Variants in SUN2 observed in about 807,000 individuals in gnomAD.
SUN2 encodes the protein Sad1 and UNC84 domain containing 2.
In SUN2, 60 loss-of-function variants were observed where a neutral mutation model predicts 100.0. The ratio of observed to expected loss-of-function variants is 0.60; its 90% CI spans 0.49 to 0.74. The LOEUF is 0.74. Ranked by LOEUF, SUN2 falls within the 30% of genes least tolerant of loss-of-function variation. SUN2 has a pLI of 0.00. For missense variants in SUN2, 834 were observed against 954.6 expected, an observed-to-expected ratio of 0.87 and a Z score of 1.66; for synonymous variants, 367 against 403.3, an observed-to-expected ratio of 0.91 and a Z score of 1.08.
Position 38,742,580 on chromosome 22 carries a change from G to C in SUN2, c.814-25C>G, listed in dbSNP as rs374134811. 5 of 1,592,984 alleles carry C rather than the reference G, an allele frequency of 3.1e-6. No individual in the cohort carries two copies. The African/African-American group carries it at 4.0e-5, about 13-fold the overall frequency. ...CCTGGAAGGGCAGAGAGAGAGCCACGGAGTGAGGGACCCTTGGATGATAGT... is the reference window on the plus strand; with the variant it reads ...CCTGGAAGGGCAGAGAGAGAGCCACCGAGTGAGGGACCCTTGGATGATAGT... On this transcript the variant is annotated intron_variant, in intron 8 of 17. Transcript: ENST00000689035.
chr22:38,748,680 G>A, intron 7 of SUN2, 33 bp downstream of exon 7: 2 of 1,613,320 alleles, frequency 1.2e-6, no homozygotes, highest in South Asian at 1.1e-5. Flanking sequence ...ACACATCTCT[G>A]TGCCTCCCTC....
At position 38,737,829 on chromosome 22, in the gene SUN2, T is replaced by C. The variant is rs1266778582; in HGVS notation, c.2040+344A>G. The stretch of plus-strand genomic sequence containing the variant: ...CACTGCCTGAGGCTCCAGCTGGCCA[T>C]GGTAGAATGCCCGCGCCCTGGCATG... On this transcript the variant is annotated intron_variant, in intron 17 of 17. Coordinates refer to ENST00000689035, the MANE Select transcript of SUN2 (RefSeq NM_015374.3). This position sits in a 1 kb window ranked among gnomAD's most constrained non-coding sequence, Gnocchi z 4.1. 1.2e-5 allele frequency: 6 copies of C among 496,668 alleles called. No homozygotes were observed. The highest frequency in any genetic ancestry group is 4.8e-5 in the South Asian group (3 of 62,070). The allele number at this position is 496,668 out of a possible 1,614,324, so 30.8% of individuals were successfully genotyped here.
chr22:38,749,691 A>G, intron 6 of SUN2, 75 bp downstream of exon 6: 1 of 1,358,900 alleles, frequency 7.4e-7, no homozygotes, highest in South Asian at 1.2e-5. Context: ...ATCGACCATT[A>G]CAGGTTGACA....
In SUN2 at chr22:38,741,014, ACT is replaced by A; in HGVS notation, c.1181_1182del (p.Glu394ValfsTer147). 1 of 1,594,996 alleles carries A rather than the reference ACT, an allele frequency of 6.3e-7. No individual in the cohort carries two copies. ...GCTGGTGGCGCCCAGTACCTTTGCC[ACT>A]CTGACTTCAGCTGCTGGATGCGAGC... ...SEARIQQLKSEWQSMTQESFQ... is the reference protein window; with the variant it reads ...SEARIQQLKSXWQSMTQESFQ... On this transcript the variant is annotated frameshift_variant, in exon 11 of 18. Coordinates refer to ENST00000689035, the MANE Select transcript of SUN2 (RefSeq NM_015374.3). LOFTEE classifies it high-confidence loss of function.
chr22:38,750,145 A>G (rs2092933235), intron 5 of SUN2, 80 bp downstream of exon 5: 19 of 1,547,664 alleles, frequency 1.2e-5, no homozygotes, highest in Non-Finnish European at 1.7e-5. Context: ...CTGCATGGGC[A>G]GGATGCCCAA....
chr22:38,742,599 T>C, intron 8 of SUN2, 44 bp from the exon 9 acceptor site: 3 of 1,569,456 alleles, frequency 1.9e-6, no homozygotes, highest in Non-Finnish European at 2.6e-6. Flanking sequence ...GACCCTTGGA[T>C]GATAGTGCTT....
Position 38,751,235 on chromosome 22 carries a change from C to T in SUN2, c.261G>A (p.Glu87=). ...CCCAGTTGGCGTCACCATGCAGTTC[C>T]TCCAGGGAGCTCCTGGGTGGGAACC... is the stretch of plus-strand genomic sequence containing the variant. ...ESWFPPRSSL[E]ELHGDANWGE... Residue 87 remains glutamate (E), a synonymous_variant, in exon 3 of 18, where the codon GAG becomes GAA. Transcript: ENST00000689035. The T allele has an allele frequency of 1.2e-6, 2 of 1,613,760 alleles. No homozygotes were observed. Among genetic ancestry groups the T allele is most frequent in the South Asian group, 1.1e-5 (1 of 91,076 alleles).
Position 38,748,785 on chromosome 22 carries a change from T to C in SUN2, c.615-2A>G, listed in dbSNP as rs1272584066. 1.9e-6 allele frequency: 3 copies of C among 1,614,086 alleles called. No homozygotes were observed. In the African/African-American group the frequency reaches 4.0e-5, roughly 22 times the overall value. ...AACGTCTTCAGGGACGAGAAGCGCC[T>C]GGACCACGCGGGAGGGCAGGACGGG... is the stretch of plus-strand genomic sequence containing the variant. On this transcript the variant is annotated splice_acceptor_variant, in intron 6 of 17. Transcript: ENST00000689035. LOFTEE classifies it high-confidence loss of function.
intron 9 of SUN2, 52 bp from the exon 10 acceptor site, chr22:38,741,623 C>T: frequency 6.6e-7 from 1 of 1,524,700 alleles, no homozygotes; most frequent in Non-Finnish European, 9.1e-7. Flanking sequence ...CTTATAGGGA[C>T]CCTCATGACT....
Position 38,751,275 on chromosome 22 carries a change from A to G in SUN2, c.221T>C (p.Leu74Pro). The G allele has an allele frequency of 6.2e-7, 1 of 1,614,160 alleles. No individual in the cohort carries two copies. Among genetic ancestry groups the G allele is most frequent in the African/African-American group, 1.3e-5 (1 of 75,056 alleles). ...GGGTGGGAACCAGGACTCGTGGACC[A>G]GCGACTCACTGTAGTAGGAGGTGTG... ...DAHTSYYSESLVHESWFPPRS... is the reference protein window; with the variant it reads ...DAHTSYYSESPVHESWFPPRS... The change falls in exon 3 of 18, where the codon CTG becomes CCG. Residue 74 changes from leucine (L) to proline (P), a missense_variant. Transcript: ENST00000689035.
At chr22:38,753,009 G>C (rs1256811786) in intron 1 of SUN2, among the ~76,000 whole-genome samples, 3 of 152,044 alleles carry the variant, frequency 2.0e-5, no homozygotes, top group African/African-American at 7.2e-5. Context: ...GGTCTTCCTC[G>C]ACCTCTGACA....
Position 38,739,910 on chromosome 22 carries a change from A to G in SUN2, c.1390T>C (p.Phe464Leu), listed in dbSNP as rs1217915543. 6.2e-7 allele frequency: 1 copy of G among 1,612,646 alleles called. No homozygotes were observed. Among genetic ancestry groups the G allele is most frequent in the Admixed American group, 1.7e-5 (1 of 60,016 alleles). Residue 464 changes from phenylalanine to leucine, a missense_variant, in exon 13 of 18, where the codon TTC (phenylalanine) becomes CTC (leucine). Phe to Leu is a conservative substitution (Grantham distance 22). Transcript: ENST00000689035. The surrounding 1 kb of genome is among the most constrained non-coding windows in gnomAD (Gnocchi z 6.7). Reference protein sequence around the residue: ...ESQFPAWISQFLARGGGGRVG... With the variant: ...ESQFPAWISQLLARGGGGRVG... ...CGGCCCCCTCCACCTCGGGCAAGGAACTGACTGATCCAGGCCGGGAACTGA... is the reference window on the plus strand; with the variant it reads ...CGGCCCCCTCCACCTCGGGCAAGGAGCTGACTGATCCAGGCCGGGAACTGA...
chr22:38,749,479 C>T (rs61486715), intron 6 of SUN2, among the ~76,000 whole-genome samples: 7,302 of 152,268 alleles, frequency 0.048, 614 homozygotes, highest in African/African-American at 0.17. Context: ...GAGCCAGGCA[C>T]GGCTAGACTA....
chr22:38,737,084 C>A lies in SUN2; in HGVS notation c.2041-704G>T, dbSNP rs2092812125. Among the ~76,000 whole-genome samples the A allele has an allele frequency of 6.6e-6, 1 of 152,196 alleles. No individual in the cohort carries two copies. The highest frequency in any genetic ancestry group is 1.5e-5 in the Non-Finnish European group (1 of 68,042). On this transcript the variant is annotated intron_variant, in intron 17 of 17. Transcript: ENST00000689035. The surrounding 1 kb of genome is among the most constrained non-coding windows in gnomAD (Gnocchi z 4.1). ...CTGGTCTTGAACTCCTGGGCTCAAG[C>A]AATCCCCTCGCCTTGGCCTTGCAAA...
chr22:38,752,716 G>C, intron 1 of SUN2, 51 bp from the exon 2 acceptor site: 2 of 1,541,446 alleles, frequency 1.3e-6, no homozygotes, highest in South Asian at 1.2e-5. Flanking sequence ...GCTGTCCCCA[G>C]CTCCTCTCTA....
chr22:38,751,145 CTG>C (rs1430096839), intron 3 of SUN2, 63 bp downstream of exon 3: 9 of 1,606,034 alleles, frequency 5.6e-6, no homozygotes, highest in Non-Finnish European at 7.7e-6. Flanking sequence ...GCAGGGGACA[CTG>C]TGAGGAGTAT....
Position 38,736,369 on chromosome 22 carries a change from C to T in SUN2, c.2052G>A (p.Met684Ile). 1 of 1,613,464 alleles carries T rather than the reference C, an allele frequency of 6.2e-7. No homozygotes were observed. Among genetic ancestry groups the T allele is most frequent in the Non-Finnish European group, 8.5e-7 (1 of 1,179,640 alleles). The change falls in exon 18 of 18, where the codon ATG becomes ATA. Residue 684 changes from methionine (M) to isoleucine (I), a missense_variant. By Grantham distance (10) the Met-to-Ile change is conservative. This residue lies in a region of SUN2 where 80 missense variants were observed against 76.7 expected (regional missense o/e 1.04). Transcript: ENST00000689035. Reference protein sequence around the residue: ...IQTFHFQAPTMATYQVVELRI... With the variant: ...IQTFHFQAPTIATYQVVELRI... ...GCAGCTCCACCACCTGGTACGTGGC[C>T]ATCGTAGGGGCCTGGGTAGAGAAGA...
chr22:38,736,166 G>C lies in SUN2; in HGVS notation c.*101C>G. On this transcript the variant is annotated 3_prime_UTR_variant, in exon 18 of 18. Coordinates refer to ENST00000689035, the MANE Select transcript of SUN2 (RefSeq NM_015374.3). Reference sequence around the variant, plus strand: ...GCATGGGGCCACAGGCTCCTCTCTTGTGCTCCTAGAAGTCAGAGCGCCGAG... The same window carrying C: ...GCATGGGGCCACAGGCTCCTCTCTTCTGCTCCTAGAAGTCAGAGCGCCGAG... 8.8e-7 allele frequency: 1 copy of C among 1,135,794 alleles called. No individual in the cohort carries two copies. Among genetic ancestry groups the C allele is most frequent in the Non-Finnish European group, 1.3e-6 (1 of 753,598 alleles). 70.4% of individuals were successfully genotyped at this position (1,135,794 alleles called of 1,614,324 possible). A position where few individuals can be genotyped will look rare whatever the true frequency, so the allele number is the denominator to read the frequency against.
rs1479133353 is a variant in SUN2 at position 38,737,141 on chromosome 22, C to T, written c.2041-761G>A. ...GAATTACAGACATGAGCCACCTCGT[C>T]TGGCCTCTATACTTTCCTAAAGAGA... On this transcript the variant is annotated intron_variant, in intron 17 of 17. Transcript: ENST00000689035. This position sits in a 1 kb window ranked among gnomAD's most constrained non-coding sequence, Gnocchi z 4.1. 6.6e-6 allele frequency among the ~76,000 whole-genome samples: 1 copy of T among 152,226 alleles called. No homozygotes were observed. Among genetic ancestry groups the T allele is most frequent in the African/African-American group, 2.4e-5 (1 of 41,450 alleles).
Sources: gnomAD v4.1 joint callset for allele counts (sites outside exome capture counted in the v4.1 genomes callset) on GRCh38, gnomAD v4.1.1 for gene constraint, gnomAD v4.1.1 regional missense constraint, Gnocchi (gnomAD v3.1) non-coding constraint, MANE v1.5 for transcripts, NCBI Gene and HGNC (gene_info 2026-07-23, HGNC 2026-07-21) for gene names.